Variants in CRADD observed in about 807,000 individuals in gnomAD.
CRADD encodes the protein CARD and death domain containing adaptor protein.
In CRADD, 9 loss-of-function variants were observed where a neutral mutation model predicts 15.5. The ratio of observed to expected loss-of-function variants is 0.58; its 90% CI spans 0.35 to 1.01. CRADD has a LOEUF of 1.01. Ranked by LOEUF, CRADD falls within the 50% of genes least tolerant of loss-of-function variation. CRADD has a pLI of 0.02. For missense variants in CRADD, 227 were observed against 250.3 expected (o/e 0.91, Z 0.63); for synonymous variants, 118 against 107.6 (o/e 1.10, Z -0.60).
chr12:93,772,674 GC>G (rs1957097129), intron 2 of CRADD, among the ~76,000 whole-genome samples: 1 of 152,178 alleles, frequency 6.6e-6, no homozygotes, highest in Non-Finnish European at 1.5e-5. Flanking sequence ...ATTTCCTAGA[GC>G]ATATTATTGA....
In CRADD at chr12:93,682,964, G is replaced by A. The variant is rs1201263895; in HGVS notation, c.298+3892G>A. ...GGCACCGTGGAGAGAACACTTCATG[G>A]TTTGTCTCTCTGGCCAAGGTCACAT... is the stretch of plus-strand genomic sequence containing the variant. On this transcript the variant is annotated intron_variant, in intron 2 of 2. Transcript: ENST00000332896. Among the ~76,000 whole-genome samples the A allele has an allele frequency of 2.0e-5, 3 of 152,306 alleles. No individual in the cohort carries two copies. The East Asian group carries it at 5.8e-4, about 29-fold the overall frequency.
chr12:93,724,007 C>T (rs938178737), intron 2 of CRADD, among the ~76,000 whole-genome samples: 1 of 152,114 alleles, frequency 6.6e-6, no homozygotes, highest in Non-Finnish European at 1.5e-5. Flanking sequence ...GTTAGGAAGA[C>T]CCCAGTGCTC....
chr12:93,837,998 T>C (rs1957994474), intron 2 of CRADD: 1 of 152,202 alleles, frequency 6.6e-6, no homozygotes, highest in African/African-American at 2.4e-5. Context: ...ATGGACTCGA[T>C]AGTCAAATCA....
At chr12:93,881,948 G>A (rs934838881) in intron 2 of CRADD, among the ~76,000 whole-genome samples, 5 of 151,660 alleles carry the variant, frequency 3.3e-5, no homozygotes, top group Non-Finnish European at 7.4e-5. Context: ...CCAGCCTGGT[G>A]AAACCCCATC....
At chr12:93,790,588 T>A (rs1957338093) in intron 2 of CRADD, 1 of 152,158 alleles carries the variant, frequency 6.6e-6, no homozygotes, top group African/African-American at 2.4e-5. Context: ...TGTGTAATAT[T>A]TATATGGTTT....
exon 3 of CRADD, chr12:93,894,254 C>G (rs2137082468): frequency 1.4e-4 from 68 of 495,822 alleles, no homozygotes; most frequent in East Asian, 4.1e-4. Context: ...TGTCACAATT[C>G]TGTGTATGTG....
chr12:93,701,077 C>T (rs1955834578), intron 2 of CRADD, among the ~76,000 whole-genome samples: 1 of 151,998 alleles, frequency 6.6e-6, no homozygotes, highest in Non-Finnish European at 1.5e-5. Context: ...TTTAAATTTT[C>T]CTCATTGTCT....
rs1956171301 is a variant in CRADD at position 93,716,763 on chromosome 12, T to A, written c.298+37691T>A. ...CCATTGTCTGGATATCACCGTTTAT[T>A]TATCCATTCACCTACTGAAGGATAT... is the stretch of plus-strand genomic sequence containing the variant. On this transcript the variant is annotated intron_variant, in intron 2 of 2. Transcript: ENST00000332896. 2.6e-5 allele frequency among the ~76,000 whole-genome samples: 4 copies of A among 152,360 alleles called. No individual in the cohort carries two copies. In the South Asian group the frequency reaches 8.3e-4, roughly 32 times the overall value.
chr12:93,861,397 G>A (rs1041718734), intron 2 of CRADD, among the ~76,000 whole-genome samples: 3 of 152,242 alleles, frequency 2.0e-5, no homozygotes, highest in African/African-American at 7.2e-5. Context: ...GAAGTGTGGT[G>A]GAGGATGCTT....
At chr12:93,821,376 G>A (rs1957768051) in intron 2 of CRADD, among the ~76,000 whole-genome samples, 1 of 152,198 alleles carries the variant, frequency 6.6e-6, no homozygotes, top group African/African-American at 2.4e-5. Flanking sequence ...TGGAAGGTGA[G>A]ACCAGAGAGC....
intron 2 of CRADD, among the ~76,000 whole-genome samples, chr12:93,716,436 A>G (rs1393838896): frequency 6.6e-6 from 1 of 152,178 alleles, no homozygotes; most frequent in Non-Finnish European, 1.5e-5. Flanking sequence ...TGTACATCCT[A>G]TGGGTTGGGA....
intron 2 of CRADD, among the ~76,000 whole-genome samples, chr12:93,873,448 A>C (rs1182045977): frequency 6.6e-6 from 1 of 152,110 alleles, no homozygotes; most frequent in Non-Finnish European, 1.5e-5. Context: ...TACTATGTTT[A>C]ATAACAGTGG....
At chr12:93,778,682 A>G (rs1476038340) in intron 2 of CRADD, among the ~76,000 whole-genome samples, 1 of 147,468 alleles carries the variant, frequency 6.8e-6, no homozygotes, top group African/African-American at 2.5e-5. Flanking sequence ...CCAAATCTTA[A>G]CTCACTATTC....
intron 2 of CRADD, among the ~76,000 whole-genome samples, chr12:93,822,768 A>T (rs1334256945): frequency 6.6e-6 from 1 of 152,336 alleles, no homozygotes; most frequent in African/African-American, 2.4e-5. Flanking sequence ...ATATCTAAGA[A>T]CTTCTGCATA....
At chr12:93,861,366 T>A (rs7972283) in intron 2 of CRADD, among the ~76,000 whole-genome samples, 14 of 152,072 alleles carry the variant, frequency 9.2e-5, no homozygotes, top group Admixed American at 9.2e-4. Flanking sequence ...AGAGAGGGGC[T>A]CCAATCAAGA....
chr12:93,693,849 C>T (rs1323265014), intron 2 of CRADD, among the ~76,000 whole-genome samples: 4 of 152,030 alleles, frequency 2.6e-5, no homozygotes, highest in Non-Finnish European at 4.4e-5. Context: ...TACAAATTCT[C>T]CCATTAATGA....
intron 2 of CRADD, among the ~76,000 whole-genome samples, chr12:93,820,117 A>G (rs1957752775): frequency 6.6e-6 from 1 of 152,106 alleles, no homozygotes; most frequent in Admixed American, 6.5e-5. Context: ...CCTGTATTTA[A>G]TCAGTCACAA....
intron 2 of CRADD, among the ~76,000 whole-genome samples, chr12:93,763,850 G>A (rs982959536): frequency 1.3e-5 from 2 of 152,210 alleles, no homozygotes; most frequent in African/African-American, 4.8e-5. Context: ...TCAGGATGGT[G>A]ATGATCCACT....
rs768005868 is a variant in CRADD, at chr12:93,679,063, C to G, written c.289C>G (p.Leu97Val). The G allele has an allele frequency of 2.5e-6, 4 of 1,612,338 alleles. No homozygotes were observed. The highest frequency in any genetic ancestry group is 3.4e-6 in the Non-Finnish European group (4 of 1,178,682). The part of the protein sequence containing the change: ...KKAREEAMTD[L>V]PAGDRLTGIP... Reference sequence around the variant, plus strand: ...GGCAAGGGAAGAGGCCATGACCGACCTGCCTGCAGGTAGGCCTCAGAAAGA... The same window carrying G: ...GGCAAGGGAAGAGGCCATGACCGACGTGCCTGCAGGTAGGCCTCAGAAAGA... The change falls in exon 2 of 3, where the codon CTG (leucine) becomes GTG (valine). Residue 97 changes from leucine (L) to valine (V), a missense_variant. By Grantham distance (32) the Leu-to-Val change is conservative. Coordinates refer to ENST00000332896, the MANE Select transcript of CRADD (RefSeq NM_003805.5).
Sources: gnomAD v4.1 joint callset for allele counts (sites outside exome capture counted in the v4.1 genomes callset) on GRCh38, gnomAD v4.1.1 for gene constraint, MANE v1.5 for transcripts, NCBI Gene and HGNC (gene_info 2026-07-23, HGNC 2026-07-21) for gene names.